The following NRXN1 variants were observed in gnomAD, a reference collection of about 807,000 sequenced individuals.
NRXN1 encodes the protein neurexin 1.
NRXN1 carries 39 observed loss-of-function variants against 150.9 expected under a neutral mutation model. The ratio of observed to expected loss-of-function variants is 0.26; its 90% CI spans 0.20 to 0.34. The LOEUF is 0.34. NRXN1 is among the 10% of genes least tolerant of loss of function. NRXN1 has a pLI of 1.00. For missense variants in NRXN1, 1,815 were observed against 1,949.9 expected, an observed-to-expected ratio of 0.93 and a Z score of 1.30; for synonymous variants, 924 against 757.0, an observed-to-expected ratio of 1.22 and a Z score of -3.62.
intron 5 of NRXN1, among the ~76,000 whole-genome samples, chr2:50,831,929 T>C (rs1671460052): frequency 1.3e-5 from 2 of 152,148 alleles, no homozygotes; most frequent in Non-Finnish European, 1.5e-5. Context: ...ATTGTTCACA[T>C]TGAGTAGCAG....
At chr2:50,298,760 A>G (rs1346530838) in intron 17 of NRXN1, among the ~76,000 whole-genome samples, 2 of 152,142 alleles carry the variant, frequency 1.3e-5, no homozygotes, top group African/African-American at 4.8e-5. Context: ...TTCTACACAT[A>G]ATGTTTGTGA....
At chr2:50,137,658 T>A (rs1706622534) in intron 18 of NRXN1, among the ~76,000 whole-genome samples, 1 of 152,226 alleles carries the variant, frequency 6.6e-6, no homozygotes, top group Non-Finnish European at 1.5e-5. Context: ...TTCATTTCAG[T>A]TCTTAATTAT....
Position 50,263,948 on chromosome 2 carries a change from A to G in NRXN1, c.3365-26978T>C, listed in dbSNP as rs1342871773. Reference sequence around the variant, plus strand: ...TAGCAAGTGACATCGTGTGAAATCAATGGCCTGTTACTGCTTTCATCATTC... The same window carrying G: ...TAGCAAGTGACATCGTGTGAAATCAGTGGCCTGTTACTGCTTTCATCATTC... On this transcript the variant is annotated intron_variant, in intron 17 of 22. Coordinates refer to ENST00000401669, the MANE Select transcript of NRXN1 (RefSeq NM_001330078.2). Among the ~76,000 whole-genome samples the G allele has an allele frequency of 2.0e-5, 3 of 152,114 alleles. No individual in the cohort carries two copies. The East Asian group carries it at 5.8e-4, about 29-fold the overall frequency.
intron 18 of NRXN1, among the ~76,000 whole-genome samples, chr2:50,136,506 T>C (rs1706433611): frequency 1.3e-5 from 2 of 152,210 alleles, no homozygotes; most frequent in Admixed American, 6.5e-5. Context: ...CAGCTTGTAA[T>C]ATCTCAAACA....
chr2:50,395,908 C>T (rs1011988251), intron 17 of NRXN1, among the ~76,000 whole-genome samples: 3 of 152,092 alleles, frequency 2.0e-5, no homozygotes, highest in Non-Finnish European at 4.4e-5. Flanking sequence ...CTCCTGGTGA[C>T]CCTGATGACT....
intron 5 of NRXN1, among the ~76,000 whole-genome samples, chr2:50,906,944 C>A (rs1683776864): frequency 6.6e-6 from 1 of 151,988 alleles, no homozygotes; most frequent in South Asian, 2.1e-4. Context: ...GCCTCAGAAA[C>A]AAGGTCTCTG....
chr2:50,474,533 A>G (rs2089808567), intron 15 of NRXN1, among the ~76,000 whole-genome samples: 1 of 151,692 alleles, frequency 6.6e-6, no homozygotes. Flanking sequence ...TTTCCTCAGG[A>G]GAACTAAGAG....
intron 16 of NRXN1, among the ~76,000 whole-genome samples, chr2:50,469,355 C>T (rs540865912): frequency 6.6e-6 from 1 of 151,682 alleles, no homozygotes; most frequent in South Asian, 2.1e-4. Context: ...TAAAAGGCAA[C>T]AAGTGATTAT....
At chr2:50,829,541 G>A in intron 5 of NRXN1, 1 of 1,610,952 alleles carries the variant, frequency 6.2e-7, no homozygotes, top group South Asian at 1.1e-5. Context: ...CCTTATAAGG[G>A]ATCTTAGGAG....
intron 5 of NRXN1, among the ~76,000 whole-genome samples, chr2:50,772,177 C>T (rs1703091743): frequency 6.6e-6 from 1 of 151,746 alleles, no homozygotes; most frequent in Non-Finnish European, 1.5e-5. Flanking sequence ...ATGTGCTTGC[C>T]TAACACATAA....
intron 22 of NRXN1, among the ~76,000 whole-genome samples, chr2:49,942,904 C>G (rs1291110523): frequency 1.3e-5 from 2 of 152,082 alleles, no homozygotes; most frequent in Non-Finnish European, 2.9e-5. Context: ...GCCACTATGA[C>G]CAGCAAAGAA....
intron 2 of NRXN1, among the ~76,000 whole-genome samples, chr2:51,005,110 C>T (rs545455876): frequency 6.6e-6 from 1 of 151,998 alleles, no homozygotes; most frequent in African/African-American, 2.4e-5. Context: ...CCTCTGATTA[C>T]TCTTTTAACT....
chr2:50,446,729 G>A (rs1197920848), intron 17 of NRXN1, among the ~76,000 whole-genome samples: 3 of 151,902 alleles, frequency 2.0e-5, no homozygotes, highest in Non-Finnish European at 4.4e-5. Context: ...TCCTTTAAAA[G>A]GGGAGACACC....
chr2:50,727,912 T>C (rs975215921), intron 5 of NRXN1, among the ~76,000 whole-genome samples: 9 of 152,174 alleles, frequency 5.9e-5, no homozygotes, highest in Non-Finnish European at 1.2e-4. Context: ...GTCAGCGTTA[T>C]TGTTAAGCCA....
intron 2 of NRXN1, among the ~76,000 whole-genome samples, chr2:50,969,014 G>T (rs1026777742): frequency 6.6e-6 from 1 of 151,962 alleles, no homozygotes; most frequent in Non-Finnish European, 1.5e-5. Context: ...TCTGCGCCAG[G>T]TAAGTCCCAG....
chr2:50,559,610 CAT>C (rs1261749948), intron 8 of NRXN1, among the ~76,000 whole-genome samples: 2 of 152,128 alleles, frequency 1.3e-5, no homozygotes, highest in Non-Finnish European at 2.9e-5. Flanking sequence ...CACATATACA[CAT>C]AGACACACAC....
chr2:50,339,339 G>T (rs184323077), intron 17 of NRXN1, among the ~76,000 whole-genome samples: 1 of 149,888 alleles, frequency 6.7e-6, no homozygotes, highest in Non-Finnish European at 1.5e-5. Flanking sequence ...CACAACCTTG[G>T]TTTAAAAAAT....
At chr2:50,911,208 T>A (rs917241080) in intron 5 of NRXN1, among the ~76,000 whole-genome samples, 2 of 151,632 alleles carry the variant, frequency 1.3e-5, no homozygotes, top group African/African-American at 4.8e-5. Context: ...CAGGCTGCTG[T>A]CATTACTCTT....
chr2:50,667,144 T>C (rs1467596742), intron 5 of NRXN1, among the ~76,000 whole-genome samples: 1 of 151,596 alleles, frequency 6.6e-6, no homozygotes, highest in African/African-American at 2.4e-5. Context: ...AATTTATAAA[T>C]TGAAATATAA....
Sources: gnomAD v4.1 joint callset for allele counts (sites outside exome capture counted in the v4.1 genomes callset) on GRCh38, gnomAD v4.1.1 for gene constraint, MANE v1.5 for transcripts, NCBI Gene and HGNC (gene_info 2026-07-23, HGNC 2026-07-21) for gene names.